FYB1: variants seen among roughly 807,000 people sequenced by gnomAD.
FYB1 encodes the protein FYN-binding protein 1.
FYB1 carries 41 observed loss-of-function variants against 94.1 expected under a neutral mutation model. The observed-to-expected ratio is 0.44, with a 90% CI of 0.34 to 0.57. The LOEUF (loss-of-function observed/expected upper bound fraction) is 0.57, where lower values mean the gene tolerates loss of function less well. Ranked by LOEUF, FYB1 falls within the 20% of genes least tolerant of loss-of-function variation. The pLI is 0.02. For synonymous variants in FYB1, 367 were observed against 353.2 expected (o/e 1.04, Z -0.44); for missense variants, 1,050 against 976.8 (o/e 1.07, Z -1.00).
At chr5:39,257,400 A>G (rs1751983530) in intron 1 of FYB1, among the ~76,000 whole-genome samples, 2 of 148,428 alleles carry the variant, frequency 1.3e-5, no homozygotes, top group South Asian at 2.1e-4. Flanking sequence ...ATTTTGACTT[A>G]GGTTCGTCTT....
intron 1 of FYB1, among the ~76,000 whole-genome samples, chr5:39,230,300 A>G (rs770753849): frequency 1.3e-5 from 2 of 152,168 alleles, no homozygotes; most frequent in Non-Finnish European, 1.5e-5. Context: ...AGACTTGATC[A>G]GCTATTGTTG....
intron 11 of FYB1, among the ~76,000 whole-genome samples, chr5:39,126,694 T>TAAA (rs1740697638): frequency 2.5e-5 from 1 of 39,560 alleles, no homozygotes; most frequent in African/African-American, 3.5e-4. Flanking sequence ...AGACCTGGTC[T>TAAA]CAAAAAAAAA....
At chr5:39,248,942 A>C (rs1751599821) in intron 1 of FYB1, among the ~76,000 whole-genome samples, 1 of 152,244 alleles carries the variant, frequency 6.6e-6, no homozygotes, top group African/African-American at 2.4e-5. Flanking sequence ...CATTAGCCAC[A>C]TGTAGCTATT....
chr5:39,171,188 G>A (rs1474384495), intron 2 of FYB1, among the ~76,000 whole-genome samples: 3 of 151,978 alleles, frequency 2.0e-5, no homozygotes, highest in Non-Finnish European at 2.9e-5. Flanking sequence ...TACTCGGGAG[G>A]CTGAGGCAGG....
At chr5:39,215,895 T>C (rs1253133395) in intron 1 of FYB1, among the ~76,000 whole-genome samples, 1 of 152,210 alleles carries the variant, frequency 6.6e-6, no homozygotes, top group Non-Finnish European at 1.5e-5. Flanking sequence ...TGCAACGGAA[T>C]CATTCTGGGT....
At chr5:39,241,828 C>T (rs1751219943) in intron 1 of FYB1, among the ~76,000 whole-genome samples, 1 of 85,662 alleles carries the variant, frequency 1.2e-5, no homozygotes. Context: ...ACAGTTTAAG[C>T]TCTTTTTTTT....
At chr5:39,156,798 CTCAA>C (rs1431602272) in intron 2 of FYB1, among the ~76,000 whole-genome samples, 2 of 152,080 alleles carry the variant, frequency 1.3e-5, no homozygotes, top group Non-Finnish European at 2.9e-5. Context: ...ACTCTAAAAT[CTCAA>C]TCTGGACTTT....
chr5:39,110,012 T>C (rs1347483007), intron 17 of FYB1, among the ~76,000 whole-genome samples: 1 of 152,100 alleles, frequency 6.6e-6, no homozygotes, highest in Non-Finnish European at 1.5e-5. Flanking sequence ...TTCCACTCAA[T>C]CAATTGCATT....
At chr5:39,212,997 C>A (rs1170491847) in intron 1 of FYB1, 3 of 144,514 alleles carry the variant, frequency 2.1e-5, no homozygotes, top group African/African-American at 7.8e-5. Flanking sequence ...TCTTGGCGAA[C>A]AAATCACCTT....
intron 2 of FYB1, among the ~76,000 whole-genome samples, chr5:39,176,396 C>T (rs527779433): frequency 1.8e-4 from 27 of 152,082 alleles, no homozygotes; most frequent in East Asian, 3.9e-4. Context: ...GTGATTCACT[C>T]GCTTCGGCCT....
chr5:39,261,314 A>T lies in FYB1; in HGVS notation c.-28+13089T>A, dbSNP rs796822284. ...GAACTTAAAGTAGAATTAAAAAAAA[A>T]AAAAAGAACGTGTGTAGATTAAGAC... On this transcript the variant is annotated intron_variant, in intron 1 of 1. Coordinates refer to the FYB1 transcript ENST00000510188. Among the ~76,000 whole-genome samples the T allele has an allele frequency of 4.3e-3, 617 of 144,748 alleles. 4 individuals are homozygous for T. Among genetic ancestry groups the T allele is most frequent in the Non-Finnish European group, 7.1e-3 (475 of 66,562 alleles). The allele number at this position is 144,748 out of a possible 152,430, so 95.0% of individuals were successfully genotyped here.
intron 2 of FYB1, chr5:39,170,233 C>T: frequency 2.1e-6 from 2 of 938,020 alleles, no homozygotes; most frequent in Non-Finnish European, 3.4e-6. Context: ...TATGATGTTG[C>T]TGGTGGTGGT....
At chr5:39,268,391 C>A (rs917402806) in intron 1 of FYB1, among the ~76,000 whole-genome samples, 36 of 151,894 alleles carry the variant, frequency 2.4e-4, no homozygotes, top group Non-Finnish European at 8.8e-5. Context: ...CTAGGCCTGG[C>A]TGATTTATTT....
chr5:39,236,476 C>T (rs910769849), intron 1 of FYB1, among the ~76,000 whole-genome samples: 1 of 151,890 alleles, frequency 6.6e-6, no homozygotes, highest in East Asian at 1.9e-4. Flanking sequence ...GCACATGTGG[C>T]TAGAGGAATT....
chr5:39,261,074 G>A (rs1378003664), intron 1 of FYB1, among the ~76,000 whole-genome samples: 1 of 151,928 alleles, frequency 6.6e-6, no homozygotes, highest in Non-Finnish European at 1.5e-5. Flanking sequence ...GCAATCACAG[G>A]AACAGAAAAC....
chr5:39,233,630 T>C (rs1166977952), intron 1 of FYB1, among the ~76,000 whole-genome samples: 3 of 152,166 alleles, frequency 2.0e-5, no homozygotes, highest in African/African-American at 4.8e-5. Flanking sequence ...ACAAAACTTT[T>C]AGTGAGAGGC....
At position 39,202,821 on chromosome 5, in the gene FYB1, G is replaced by T; in HGVS notation, c.140C>A (p.Pro47His). 6.2e-7 allele frequency: 1 copy of T among 1,614,014 alleles called. No homozygotes were observed. The highest frequency in any genetic ancestry group is 1.3e-5 in the African/African-American group (1 of 75,048). ...AGGTACATTGCTGGGTCCTGCAGGAGGGCTGGCATTTCCTTGGTTGTTGAA... is the reference window on the plus strand; with the variant it reads ...AGGTACATTGCTGGGTCCTGCAGGATGGCTGGCATTTCCTTGGTTGTTGAA... ...NLFNNQGNASPPAGPSNVPKF... is the reference protein window; with the variant it reads ...NLFNNQGNASHPAGPSNVPKF... Residue 47 changes from proline to histidine, a missense_variant, in exon 2 of 19, where the codon CCT becomes CAT. Transcript: ENST00000512982.
At chr5:39,229,989 A>G (rs1750651790) in intron 1 of FYB1, among the ~76,000 whole-genome samples, 1 of 152,034 alleles carries the variant, frequency 6.6e-6, no homozygotes, top group South Asian at 2.1e-4. Flanking sequence ...TAATGGGCAA[A>G]TCAAGATCGG....
At chr5:39,268,820 C>T (rs1752548375) in intron 1 of FYB1, among the ~76,000 whole-genome samples, 1 of 152,168 alleles carries the variant, frequency 6.6e-6, no homozygotes, top group Non-Finnish European at 1.5e-5. Flanking sequence ...CTGCCTCGGC[C>T]TCCCAAAGTG....
Sources: gnomAD v4.1 joint callset for allele counts (sites outside exome capture counted in the v4.1 genomes callset) on GRCh38, gnomAD v4.1.1 for gene constraint, MANE v1.5 for transcripts, NCBI Gene and HGNC (gene_info 2026-07-23, HGNC 2026-07-21) for gene names.